TRIOBP: variants seen among roughly 807,000 people sequenced by gnomAD.
TRIOBP encodes the protein TRIO and F-actin binding protein, also known as TRIO and F-actin-binding protein.
A neutral mutation model predicts 238.8 loss-of-function variants in TRIOBP; 169 were observed. The ratio of observed to expected loss-of-function variants is 0.71; its 90% CI spans 0.62 to 0.80. TRIOBP has a LOEUF of 0.80. Among genes scored for constraint, TRIOBP ranks in the 30% least tolerant of loss-of-function variants. TRIOBP has a pLI of 0.00. For synonymous variants in TRIOBP, 1,150 were observed against 1,274.4 expected (o/e 0.90, Z 2.08); for missense variants, 2,838 against 3,122.6 (o/e 0.91, Z 2.17).
At chr22:37,769,216 C>T (rs775979375) in intron 20 of TRIOBP, 29 bp downstream of exon 20, 72 of 1,601,900 alleles carry the variant, frequency 4.5e-5, no homozygotes, top group South Asian at 3.5e-4. Flanking sequence ...TGGGGGGACA[C>T]GGGTGGGTCC....
chr22:37,726,613 A>G (rs1277861698), intron 7 of TRIOBP, 110 bp downstream of exon 7: 6 of 1,165,750 alleles, frequency 5.1e-6, no homozygotes, highest in East Asian at 5.9e-5. Flanking sequence ...CTGGCTTGCC[A>G]TTTACCGGCT....
Position 37,723,697 on chromosome 22 carries a change from C to A in TRIOBP, c.1141C>A (p.Pro381Thr). Residue 381 changes from proline to threonine, a missense_variant, in exon 7 of 24, where the codon CCC becomes ACC. Pro to Thr is a conservative substitution (Grantham distance 38). Transcript: ENST00000644935. ...TCCCCAGCGGGAAAACCCCAGGACA[C>A]CCTGTGTCCAGCAGGACGATCCCAG... ...CTPQRENPRT[P>T]CVQQDDPRAS... The A allele has an allele frequency of 1.9e-6, 3 of 1,613,406 alleles. No individual in the cohort carries two copies. The highest frequency in any genetic ancestry group is 2.5e-6 in the Non-Finnish European group (3 of 1,179,838).
chr22:37,725,744 T>G lies in TRIOBP; in HGVS notation c.3188T>G (p.Val1063Gly). Residue 1063 changes from valine to glycine, a missense_variant, in exon 7 of 24, where the codon GTG (valine) becomes GGG (glycine). Coordinates refer to ENST00000644935, the MANE Select transcript of TRIOBP (RefSeq NM_001039141.3). ...HHEPPYIPPA[V>G]CIGHRDAPRA... ...GAGCCTCCCTATATACCACCTGCTG[T>G]GTGCATTGGACACCGAGATGCCCCC... The G allele has an allele frequency of 6.2e-7, 1 of 1,612,120 alleles. No individual in the cohort carries two copies. Among genetic ancestry groups the G allele is most frequent in the African/African-American group, 1.3e-5 (1 of 74,534 alleles).
At chr22:37,747,245 GAGA>G (rs1341481069) in intron 11 of TRIOBP, among the ~76,000 whole-genome samples, 3 of 152,252 alleles carry the variant, frequency 2.0e-5, no homozygotes, top group East Asian at 1.9e-4. Context: ...CCAAGTATAA[GAGA>G]AGGAGTAGCT....
intron 3 of TRIOBP, among the ~76,000 whole-genome samples, chr22:37,708,282 C>T (rs1374093898): frequency 6.7e-6 from 1 of 148,634 alleles, no homozygotes; most frequent in Admixed American, 6.8e-5. Flanking sequence ...AGGCCAGGCA[C>T]AGTGGCTCAT....
intron 3 of TRIOBP, among the ~76,000 whole-genome samples, chr22:37,704,608 G>C (rs1358296827): frequency 1.3e-5 from 2 of 151,286 alleles, no homozygotes; most frequent in African/African-American, 2.4e-5. Context: ...ATGTATAAAG[G>C]AACAGTAAGT....
intron 3 of TRIOBP, among the ~76,000 whole-genome samples, chr22:37,709,613 G>A (rs149490982): frequency 7.6e-3 from 1,156 of 152,294 alleles, no homozygotes; most frequent in Non-Finnish European, 0.013. Flanking sequence ...CGGGGCGCAG[G>A]GTGCCATGGC....
At chr22:37,713,704 C>T (rs1266585197) in intron 5 of TRIOBP, among the ~76,000 whole-genome samples, 1 of 152,192 alleles carries the variant, frequency 6.6e-6, no homozygotes, top group Non-Finnish European at 1.5e-5. Context: ...GCCACATGCT[C>T]TCAGATCCCA....
At chr22:37,754,750 G>A (rs1925819707) in intron 12 of TRIOBP, 127 bp from the exon 13 acceptor site, 1 of 872,418 alleles carries the variant, frequency 1.1e-6, no homozygotes, top group South Asian at 1.4e-5. Context: ...GAAATGGAGG[G>A]GCCAGGTCTC....
At chr22:37,741,534 C>T (rs1924934191) in intron 11 of TRIOBP, among the ~76,000 whole-genome samples, 1 of 152,236 alleles carries the variant, frequency 6.6e-6, no homozygotes, top group African/African-American at 2.4e-5. Context: ...CCGCTCCCTC[C>T]CACCCGCTTC....
chr22:37,725,462 A>C lies in TRIOBP; in HGVS notation c.2906A>C (p.Gln969Pro), dbSNP rs1185707950. The C allele has an allele frequency of 1.9e-6, 3 of 1,612,866 alleles. No homozygotes were observed. In the East Asian group the frequency reaches 6.7e-5, roughly 36 times the overall value. The part of the protein sequence containing the change: ...DPPQSSFGPT[Q>P]YNLPSRATSS... Reference sequence around the variant, plus strand: ...CCCCAGTCCTCCTTTGGCCCCACCCAGTACAACTTGCCATCCCGGGCCACC... The same window carrying C: ...CCCCAGTCCTCCTTTGGCCCCACCCCGTACAACTTGCCATCCCGGGCCACC... Residue 969 changes from glutamine (Q) to proline (P), a missense_variant, in exon 7 of 24, where the codon CAG becomes CCG. Gln to Pro is a moderately conservative substitution (Grantham distance 76). Transcript: ENST00000644935.
In TRIOBP at chr22:37,765,745, G is replaced by C; in HGVS notation, c.6400G>C (p.Glu2134Gln). 6.4e-7 allele frequency: 1 copy of C among 1,573,566 alleles called. No individual in the cohort carries two copies. Among genetic ancestry groups the C allele is most frequent in the South Asian group, 1.2e-5 (1 of 85,878 alleles). Reference sequence around the variant, plus strand: ...GATGGAGGAGCTGCAGCGGCACCACGAGCGGGAGCTGCAGCGCCTGCAGCA... The same window carrying C: ...GATGGAGGAGCTGCAGCGGCACCACCAGCGGGAGCTGCAGCGCCTGCAGCA... Reference protein sequence around the residue: ...QVMEELQRHHERELQRLQQEK... With the variant: ...QVMEELQRHHQRELQRLQQEK... Residue 2134 changes from glutamate (E) to glutamine (Q), a missense_variant, in exon 18 of 24, where the codon GAG (glutamate) becomes CAG (glutamine). Glu to Gln is a conservative substitution (Grantham distance 29). Transcript: ENST00000644935.
chr22:37,699,156 A>C (rs917588844), intron 2 of TRIOBP, among the ~76,000 whole-genome samples: 2 of 152,170 alleles, frequency 1.3e-5, no homozygotes, highest in East Asian at 3.8e-4. Context: ...TCTCAAAAAA[A>C]CAAAACAAAA....
chr22:37,738,636 C>T lies in TRIOBP; in HGVS notation c.5107-6C>T, dbSNP rs778166557. On this transcript the variant is annotated splice_region_variant and splice_polypyrimidine_tract_variant and intron_variant, in intron 9 of 23. Transcript: ENST00000644935. Reference sequence around the variant, plus strand: ...GGCTAAGCTGTGTTCTTTTTTTAATCTCCAGTTCCAACCAGAGGAGCCTGA... The same window carrying T: ...GGCTAAGCTGTGTTCTTTTTTTAATTTCCAGTTCCAACCAGAGGAGCCTGA... 3.8e-5 allele frequency: 61 copies of T among 1,613,442 alleles called. No individual in the cohort carries two copies. The highest frequency in any genetic ancestry group is 4.9e-5 in the Non-Finnish European group (58 of 1,179,836).
At chr22:37,711,593 C>A (rs28581772) in intron 4 of TRIOBP, among the ~76,000 whole-genome samples, 588 of 23,906 alleles carry the variant, frequency 0.025, 5 homozygotes, top group East Asian at 0.05. Context: ...AAAAAAAAAA[C>A]AACAAAAAAA....
intron 7 of TRIOBP, among the ~76,000 whole-genome samples, chr22:37,728,787 A>G (rs973249793): frequency 6.6e-6 from 1 of 152,200 alleles, no homozygotes; most frequent in African/African-American, 2.4e-5. Flanking sequence ...AACCTACACT[A>G]TGAAATCACC....
At chr22:37,715,328 T>G (rs1180447932) in intron 5 of TRIOBP, among the ~76,000 whole-genome samples, 3 of 149,616 alleles carry the variant, frequency 2.0e-5, no homozygotes, top group Admixed American at 1.3e-4. Flanking sequence ...AAGTGCTTTG[T>G]TTTTTTTTGT....
chr22:37,770,204 C>T lies in TRIOBP; in HGVS notation c.6849+829C>T, dbSNP rs775666785. Among the ~76,000 whole-genome samples the T allele has an allele frequency of 1.1e-3, 155 of 146,966 alleles. 1 individual carries two copies. The highest frequency in any genetic ancestry group is 1.4e-3 in the Non-Finnish European group (94 of 66,334). On this transcript the variant is annotated intron_variant, in intron 21 of 23. Transcript: ENST00000644935. ...CTGTAATCCCAGCACTTTGGGAGGC[C>T]GAGGCGGGCAGATCACGAGGTAGGA... is the stretch of plus-strand genomic sequence containing the variant.
intron 7 of TRIOBP, among the ~76,000 whole-genome samples, chr22:37,730,137 G>A (rs539481832): frequency 6.6e-6 from 1 of 152,198 alleles, no homozygotes; most frequent in East Asian, 1.9e-4. Flanking sequence ...GCCTTCACTG[G>A]ATTTGCTAGA....
Sources: allele counts gnomAD v4.1 joint callset (sites outside exome capture counted in the v4.1 genomes callset), GRCh38; gene constraint gnomAD v4.1.1; transcripts MANE v1.5; gene names NCBI Gene and HGNC (gene_info 2026-07-23, HGNC 2026-07-21).